HSDL2: variants seen among roughly 807,000 people sequenced by gnomAD.
The protein encoded by HSDL2 is hydroxysteroid dehydrogenase-like protein 2.
In HSDL2, 27 loss-of-function variants were observed where a neutral mutation model predicts 46.3. That is an observed-to-expected ratio of 0.58 (90% confidence interval 0.43 to 0.80). The LOEUF (loss-of-function observed/expected upper bound fraction) is 0.80, where lower values mean the gene tolerates loss of function less well. HSDL2 is among the 30% of genes least tolerant of loss of function. The pLI is 0.00. For missense variants in HSDL2, 451 were observed against 502.7 expected (o/e 0.90, Z 0.98); for synonymous variants, 153 against 163.6 (o/e 0.94, Z 0.50).
At chr9:112,396,579 A>G (rs977338433) in intron 1 of HSDL2, among the ~76,000 whole-genome samples, 1 of 152,138 alleles carries the variant, frequency 6.6e-6, no homozygotes, top group Non-Finnish European at 1.5e-5. Flanking sequence ...CTTGGCAGAC[A>G]CCATAAGTTT....
At position 112,454,119 on chromosome 9, in the gene HSDL2, T is replaced by C. The variant is rs750259541; in HGVS notation, c.972T>C (p.Asp324=). The C allele has an allele frequency of 6.2e-7, 1 of 1,614,048 alleles. No homozygotes were observed. Among genetic ancestry groups the C allele is most frequent in the East Asian group, 2.2e-5 (1 of 44,882 alleles). ...TTGTTAAGGACTCTCTCAGTGATGATGTTGTTAAAGCCACTCAAGCAATCT... is the reference window on the plus strand; with the variant it reads ...TTGTTAAGGACTCTCTCAGTGATGACGTTGTTAAAGCCACTCAAGCAATCT... ...FRIVKDSLSD[D]VVKATQAIYL... The change falls in exon 9 of 11, where the codon GAT becomes GAC. Residue 324 remains aspartate (D), a synonymous_variant. Coordinates refer to ENST00000398805, the MANE Select transcript of HSDL2 (RefSeq NM_032303.5).
At chr9:112,384,824 A>G (rs142185003) in intron 1 of HSDL2, among the ~76,000 whole-genome samples, 2 of 151,322 alleles carry the variant, frequency 1.3e-5, no homozygotes, top group African/African-American at 2.4e-5. Flanking sequence ...CACGTAATCC[A>G]TAGCATAACT....
intron 8 of HSDL2, among the ~76,000 whole-genome samples, chr9:112,451,289 C>T (rs1181463018): frequency 6.6e-6 from 1 of 152,168 alleles, no homozygotes; most frequent in Non-Finnish European, 1.5e-5. Context: ...GTCTCATTCA[C>T]TTACACTGGT....
chr9:112,456,202 A>G (rs1294103248), intron 9 of HSDL2, among the ~76,000 whole-genome samples: 1 of 152,208 alleles, frequency 6.6e-6, no homozygotes, highest in African/African-American at 2.4e-5. Flanking sequence ...TTAAAACAGA[A>G]CCCAGTGACA....
intron 1 of HSDL2, among the ~76,000 whole-genome samples, chr9:112,392,219 A>G (rs545599453): frequency 2.6e-5 from 4 of 152,360 alleles, no homozygotes; most frequent in South Asian, 4.1e-4. Flanking sequence ...CAGGACTACT[A>G]ATAAGGGTCT....
At position 112,470,472 on chromosome 9, in the gene HSDL2, G is replaced by A. The variant is rs1833545535; in HGVS notation, c.1185G>A (p.Leu395=). 1.2e-6 allele frequency: 2 copies of A among 1,611,666 alleles called. No individual in the cohort carries two copies. The highest frequency in any genetic ancestry group is 2.7e-5 in the African/African-American group (2 of 74,768). ...KPTMAFMSGK[L]KIKGNMALAI... is the part of the protein sequence containing the mutation. ...CAATGGCATTCATGTCAGGGAAATT[G>A]AAGATTAAAGGTAACATGGCCCTAG... Residue 395 remains leucine, a synonymous_variant, in exon 11 of 11, where the codon TTG becomes TTA. Transcript: ENST00000398805.
At chr9:112,422,787 G>T (rs893224607) in intron 6 of HSDL2, among the ~76,000 whole-genome samples, 1 of 152,084 alleles carries the variant, frequency 6.6e-6, no homozygotes, top group African/African-American at 2.4e-5. Flanking sequence ...ATTTATGAGG[G>T]GGAGAAAGAC....
intron 1 of HSDL2, among the ~76,000 whole-genome samples, chr9:112,389,585 G>A (rs1256039805): frequency 1.3e-5 from 2 of 152,150 alleles, no homozygotes; most frequent in Non-Finnish European, 1.5e-5. Flanking sequence ...ATACCTTTCT[G>A]TAGGAAATTA....
At chr9:112,407,996 A>G (rs2132627245) in intron 3 of HSDL2, among the ~76,000 whole-genome samples, 1 of 152,332 alleles carries the variant, frequency 6.6e-6, no homozygotes, top group South Asian at 2.1e-4. Flanking sequence ...ACTAGATAGA[A>G]TTTGCAGAAA....
intron 10 of HSDL2, 29 bp downstream of exon 10, chr9:112,459,606 T>C: frequency 6.3e-7 from 1 of 1,596,806 alleles, no homozygotes; most frequent in Non-Finnish European, 8.6e-7. Context: ...TAGTTTACCT[T>C]ATTGTTCAGA....
In HSDL2 at chr9:112,382,058, T is replaced by C. The variant is rs552842646; in HGVS notation, c.17+1878T>C. On this transcript the variant is annotated intron_variant, in intron 1 of 10. Coordinates refer to ENST00000398805, the MANE Select transcript of HSDL2 (RefSeq NM_032303.5). ...TTCGAGACCAGCCTGGCCAACGTGG[T>C]GAAACTCCGTCTCCACTAAAACTAC... Among the ~76,000 whole-genome samples the C allele has an allele frequency of 2.5e-3, 381 of 152,192 alleles. 1 individual carries two copies. Among genetic ancestry groups the C allele is most frequent in the African/African-American group, 8.9e-3 (371 of 41,538 alleles).
chr9:112,426,427 G>A (rs549149136), intron 6 of HSDL2, among the ~76,000 whole-genome samples: 8 of 152,120 alleles, frequency 5.3e-5, no homozygotes, highest in East Asian at 1.9e-4. Context: ...GTAGAGACAG[G>A]GTTTCGCCAT....
At chr9:112,410,457 T>C (rs890124030) in intron 4 of HSDL2, among the ~76,000 whole-genome samples, 1 of 152,230 alleles carries the variant, frequency 6.6e-6, no homozygotes, top group Non-Finnish European at 1.5e-5. Context: ...TTTCTTTACT[T>C]TTAAAATGGC....
At chr9:112,404,210 A>G (rs774712645) in intron 2 of HSDL2, 52 bp downstream of exon 2, 4 of 1,547,056 alleles carry the variant, frequency 2.6e-6, no homozygotes, top group East Asian at 2.3e-5. Context: ...GTTTCAATAC[A>G]TAGAGAATTT....
chr9:112,405,218 G>A (rs542904431), intron 2 of HSDL2, among the ~76,000 whole-genome samples: 1 of 152,236 alleles, frequency 6.6e-6, no homozygotes, highest in Non-Finnish European at 1.5e-5. Flanking sequence ...CTGGCGTGGT[G>A]GTGCATGCCT....
chr9:112,383,798 GT>G (rs1428361323), intron 1 of HSDL2, among the ~76,000 whole-genome samples: 1 of 152,166 alleles, frequency 6.6e-6, no homozygotes, highest in Non-Finnish European at 1.5e-5. Context: ...ATCTCCTGGG[GT>G]TAAGCAGTCC....
At chr9:112,467,981 G>A (rs10121147) in intron 10 of HSDL2, among the ~76,000 whole-genome samples, 144,857 of 152,170 alleles carry the variant, frequency 0.95, 68,998 homozygotes, top group South Asian at 0.98. Context: ...AGTTTCATGA[G>A]AAAGGATACA....
chr9:112,383,562 T>C (rs1423872972), intron 1 of HSDL2, among the ~76,000 whole-genome samples: 1 of 152,104 alleles, frequency 6.6e-6, no homozygotes, highest in African/African-American at 2.4e-5. Context: ...CCTAGCAGCA[T>C]TGACCTAAGA....
intron 6 of HSDL2, among the ~76,000 whole-genome samples, chr9:112,427,205 C>T (rs752443286): frequency 3.0e-4 from 45 of 152,164 alleles, no homozygotes; most frequent in African/African-American, 6.0e-4. Context: ...TAGGCGCCCA[C>T]CGCTGTGCCC....
Sources: gnomAD v4.1 joint callset for allele counts (sites outside exome capture counted in the v4.1 genomes callset) on GRCh38, gnomAD v4.1.1 for gene constraint, MANE v1.5 for transcripts, NCBI Gene and HGNC (gene_info 2026-07-23, HGNC 2026-07-21) for gene names.